SGCD: variants seen among roughly 807,000 people sequenced by gnomAD.
SGCD encodes delta-sarcoglycan.
SGCD carries 18 observed loss-of-function variants against 36.6 expected under a neutral mutation model. The ratio of observed to expected loss-of-function variants is 0.49; its 90% CI spans 0.34 to 0.73. The LOEUF is 0.73. SGCD is among the 30% of genes least tolerant of loss of function. The pLI, the probability that SGCD is intolerant of heterozygous loss-of-function variation, is 0.01. For synonymous variants in SGCD, 133 were observed against 130.6 expected, an observed-to-expected ratio of 1.02 and a Z score of -0.12; for missense variants, 387 against 346.7, an observed-to-expected ratio of 1.12 and a Z score of -0.92.
At chr5:156,478,619 C>G (rs1467591941) in intron 3 of SGCD, among the ~76,000 whole-genome samples, 1 of 152,192 alleles carries the variant, frequency 6.6e-6, no homozygotes, top group Non-Finnish European at 1.5e-5. Flanking sequence ...CTCGCTGTGT[C>G]TCCCAGGCTG....
intron 6 of SGCD, among the ~76,000 whole-genome samples, chr5:156,615,367 T>G (rs1761981774): frequency 6.6e-6 from 1 of 152,274 alleles, no homozygotes; most frequent in Non-Finnish European, 1.5e-5. Context: ...AGATGCCACT[T>G]GATGCTAATT....
At chr5:156,061,919 CTTTTTTTTTTT>C (rs757769130) in intron 1 of SGCD, among the ~76,000 whole-genome samples, 2 of 71,758 alleles carry the variant, frequency 2.8e-5, no homozygotes, top group Non-Finnish European at 5.3e-5. Context: ...GGAGTTTTCA[CTTTTTTTTTTT>C]TTTTTTTTTT....
intron 3 of SGCD, among the ~76,000 whole-genome samples, chr5:156,344,956 C>T (rs1308220973): frequency 1.3e-5 from 2 of 152,124 alleles, no homozygotes; most frequent in Non-Finnish European, 2.9e-5. Context: ...TTTCTGTAGC[C>T]TGTAGCTTTC....
chr5:156,245,313 C>T (rs1312727183), intron 3 of SGCD, among the ~76,000 whole-genome samples: 9 of 151,980 alleles, frequency 5.9e-5, no homozygotes, highest in East Asian at 1.9e-4. Context: ...TCAGGATATT[C>T]GATAGTTGTT....
intron 3 of SGCD, among the ~76,000 whole-genome samples, chr5:156,224,803 T>C (rs543016971): frequency 1.6e-4 from 24 of 152,272 alleles, no homozygotes; most frequent in East Asian, 1.3e-3. Flanking sequence ...TTTCATTAAA[T>C]GTAATTCATA....
chr5:156,642,110 T>C (rs1763048859), intron 6 of SGCD, among the ~76,000 whole-genome samples: 2 of 152,338 alleles, frequency 1.3e-5, no homozygotes, highest in Admixed American at 1.3e-4. Context: ...CTTCACATGG[T>C]GGAGAAAGAG....
the SGCD span, among the ~76,000 whole-genome samples, chr5:155,737,674 G>A: frequency 2.0e-5 from 3 of 152,164 alleles, no homozygotes. Context: ...GGCAGAGCCA[G>A]TGTAGAACTC....
chr5:156,367,274 G>T (rs1215295295), intron 3 of SGCD, among the ~76,000 whole-genome samples: 1 of 152,184 alleles, frequency 6.6e-6, no homozygotes, highest in African/African-American at 2.4e-5. Context: ...GAAAGGGCAT[G>T]GAGATATGAA....
chr5:156,197,141 C>T (rs373748526), intron 3 of SGCD, among the ~76,000 whole-genome samples: 2 of 152,098 alleles, frequency 1.3e-5, no homozygotes, highest in African/African-American at 4.8e-5. Flanking sequence ...AATAAATCTT[C>T]GCATATATTC....
chr5:155,873,216 A>T (rs1010996714), intron 1 of SGCD, among the ~76,000 whole-genome samples: 4 of 152,282 alleles, frequency 2.6e-5, no homozygotes, highest in Admixed American at 1.3e-4. Context: ...GCATGACTTT[A>T]GTTAGCCACA....
chr5:156,380,236 A>T (rs747136555), intron 3 of SGCD, among the ~76,000 whole-genome samples: 3 of 152,200 alleles, frequency 2.0e-5, no homozygotes, highest in Non-Finnish European at 4.4e-5. Flanking sequence ...TTGCTGCAGT[A>T]ACAAAGAAAC....
At chr5:155,736,697 T>C in the SGCD span, among the ~76,000 whole-genome samples, 1 of 152,154 alleles carries the variant, frequency 6.6e-6, no homozygotes, top group Non-Finnish European at 1.5e-5. Flanking sequence ...CCACCACCAC[T>C]ACCACCTCCT....
At chr5:156,596,190 A>G (rs1437697026) in intron 6 of SGCD, among the ~76,000 whole-genome samples, 1 of 152,130 alleles carries the variant, frequency 6.6e-6, no homozygotes. Flanking sequence ...TGCTGCTGTT[A>G]CTACTTATAC....
At chr5:156,274,151 C>A (rs1305061303) in intron 3 of SGCD, among the ~76,000 whole-genome samples, 1 of 151,974 alleles carries the variant, frequency 6.6e-6, no homozygotes, top group Non-Finnish European at 1.5e-5. Context: ...GGTACCAGGG[C>A]AAGGTGAGAG....
chr5:155,995,795 G>A (rs1236295536), intron 1 of SGCD, among the ~76,000 whole-genome samples: 1 of 151,470 alleles, frequency 6.6e-6, no homozygotes, highest in Non-Finnish European at 1.5e-5. Context: ...GTGAACCAAT[G>A]GTTAAAAAAA....
intron 3 of SGCD, among the ~76,000 whole-genome samples, chr5:156,433,124 T>C (rs866959409): frequency 1.4e-4 from 21 of 152,332 alleles, no homozygotes; most frequent in Middle Eastern, 3.4e-3. Flanking sequence ...ACAACAAATA[T>C]AAAGTTAGGT....
rs117610316 is a variant in SGCD, at chr5:156,643,377, C to T, written c.503-4087C>T. Among the ~76,000 whole-genome samples, 23 of 152,148 alleles carry T rather than the reference C, an allele frequency of 1.5e-4. No homozygotes were observed. In the East Asian group the frequency reaches 1.7e-3, roughly 12 times the overall value. ...AATTAGTGTACACTAGTGGAGGATA[C>T]TATATTATACCGTGAGCTTCTTACC... On this transcript the variant is annotated intron_variant, in intron 6 of 8. Transcript: ENST00000337851.
the SGCD span, among the ~76,000 whole-genome samples, chr5:155,827,845 A>ATT: frequency 0.29 from 36,232 of 124,692 alleles, 5,581 homozygotes; most frequent in Admixed American, 0.34. Flanking sequence ...CACCTGGCTA[A>ATT]TTTTTTTTTT....
intron 7 of SGCD, among the ~76,000 whole-genome samples, chr5:156,682,135 C>T (rs895727191): frequency 3.9e-5 from 6 of 152,138 alleles, no homozygotes; most frequent in Non-Finnish European, 8.8e-5. Flanking sequence ...AAACATGGTA[C>T]ATGTTACTGA....
Sources: allele counts gnomAD v4.1 joint callset (sites outside exome capture counted in the v4.1 genomes callset), GRCh38; gene constraint gnomAD v4.1.1; transcripts MANE v1.5; gene names NCBI Gene and HGNC (gene_info 2026-07-23, HGNC 2026-07-21).